Variants in GABRA3 observed in about 807,000 individuals in gnomAD.
GABRA3 encodes the protein gamma-aminobutyric acid receptor subunit alpha-3.
A neutral mutation model predicts 30.1 loss-of-function variants in GABRA3; 10 were observed. That is an observed-to-expected ratio of 0.33 (90% confidence interval 0.20 to 0.56). The LOEUF (loss-of-function observed/expected upper bound fraction) is 0.56. Among genes scored for constraint, GABRA3 ranks in the 20% least tolerant of loss-of-function variants. The pLI is 0.89. For synonymous variants in GABRA3, 151 were observed against 146.8 expected, an observed-to-expected ratio of 1.03 and a Z score of -0.21; for missense variants, 233 against 392.0, an observed-to-expected ratio of 0.59 and a Z score of 3.42.
intron 3 of GABRA3, among the ~76,000 whole-genome samples, chrX:152,291,063 T>A (rs1278271080): frequency 8.9e-6 from 1 of 111,882 alleles, no homozygotes; most frequent in East Asian, 2.8e-4. Flanking sequence ...AAGTCATTGG[T>A]AACTTGATGG....
At chrX:152,307,746 C>A (rs1162640352) in intron 3 of GABRA3, among the ~76,000 whole-genome samples, 2 of 111,652 alleles carry the variant, frequency 1.8e-5, no homozygotes, top group African/African-American at 6.5e-5. Context: ...GGGCTCATTC[C>A]TGGTCCTGAG....
chrX:152,438,301 A>G (rs1009593912), intron 1 of GABRA3, among the ~76,000 whole-genome samples: 2 of 112,269 alleles, frequency 1.8e-5, no homozygotes, highest in African/African-American at 6.5e-5. Context: ...CAAAATGTAG[A>G]CAACACCAAA....
At chrX:152,235,004 A>G (rs764878726) in intron 5 of GABRA3, among the ~76,000 whole-genome samples, 1 of 111,728 alleles carries the variant, frequency 9.0e-6, no homozygotes, top group South Asian at 3.7e-4. Flanking sequence ...AATTCTGTGA[A>G]AAAATGACAT....
Position 152,380,463 on chromosome X carries a change from G to A in GABRA3, c.-26-15867C>T, listed in dbSNP as rs530711833. On this transcript the variant is annotated intron_variant, in intron 1 of 9. Coordinates refer to ENST00000370314, the MANE Select transcript of GABRA3 (RefSeq NM_000808.4). The stretch of plus-strand genomic sequence containing the variant: ...CGTTAAGGCTGAATAGTATTCCATT[G>A]TGTATATATACCACATTTTCTTTAT... 1.1e-4 allele frequency among the ~76,000 whole-genome samples: 12 copies of A among 112,076 alleles called. No homozygotes were observed. In the South Asian group the frequency reaches 3.8e-3, roughly 35 times the overall value.
At chrX:152,329,230 A>G in intron 3 of GABRA3, among the ~76,000 whole-genome samples, 1 of 112,121 alleles carries the variant, frequency 8.9e-6, no homozygotes, top group Non-Finnish European at 1.9e-5. Context: ...TTCCATGCTC[A>G]TGGATAGGAA....
chrX:152,256,853 G>A (rs187107478), intron 4 of GABRA3, among the ~76,000 whole-genome samples: 3 of 111,869 alleles, frequency 2.7e-5, no homozygotes, highest in Admixed American at 1.9e-4. Flanking sequence ...AGAATTGTGA[G>A]TTTGTGATTT....
intron 9 of GABRA3, among the ~76,000 whole-genome samples, chrX:152,185,316 C>T (rs1430797828): frequency 2.7e-5 from 3 of 111,050 alleles, no homozygotes; most frequent in Non-Finnish European, 5.7e-5. Flanking sequence ...AATGGACTGA[C>T]CATAGAGACT....
intron 5 of GABRA3, among the ~76,000 whole-genome samples, chrX:152,249,291 A>T (rs1938512567): frequency 9.0e-6 from 1 of 111,356 alleles, no homozygotes; most frequent in Non-Finnish European, 1.9e-5. Flanking sequence ...CATCAATGTT[A>T]CCTCTTGAAC....
chrX:152,416,424 T>C (rs1196521317), intron 1 of GABRA3, among the ~76,000 whole-genome samples: 4 of 105,913 alleles, frequency 3.8e-5, no homozygotes, highest in Admixed American at 3.1e-4. Context: ...GAAGAATCAA[T>C]ATCGTGAAAA....
At chrX:152,332,390 A>G (rs780844888) in intron 3 of GABRA3, among the ~76,000 whole-genome samples, 3 of 111,696 alleles carry the variant, frequency 2.7e-5, no homozygotes, top group Non-Finnish European at 3.8e-5. Context: ...GCTAATTGGG[A>G]GAGGTTATGC....
chrX:152,359,359 T>C (rs889948437), intron 2 of GABRA3, among the ~76,000 whole-genome samples: 4 of 111,185 alleles, frequency 3.6e-5, no homozygotes, highest in Non-Finnish European at 7.6e-5. Context: ...ATGTTCATAG[T>C]AGTCTCTGAG....
At chrX:152,237,475 G>A (rs1302596061) in intron 5 of GABRA3, among the ~76,000 whole-genome samples, 1 of 100,929 alleles carries the variant, frequency 9.9e-6, no homozygotes, top group Non-Finnish European at 2.0e-5. Flanking sequence ...ACTTGGCAAT[G>A]CGGGCTCTTT....
intron 7 of GABRA3, among the ~76,000 whole-genome samples, chrX:152,206,663 G>A (rs911087756): frequency 9.9e-5 from 11 of 111,324 alleles, no homozygotes; most frequent in East Asian, 2.9e-4. Context: ...GGCCAGGAGC[G>A]CTCCTGGGAC....
intron 4 of GABRA3, among the ~76,000 whole-genome samples, chrX:152,280,840 A>G (rs908977967): frequency 2.7e-5 from 3 of 111,029 alleles, no homozygotes; most frequent in African/African-American, 9.8e-5. Context: ...TGAGGTTAAT[A>G]ATACCTAAAA....
intron 1 of GABRA3, among the ~76,000 whole-genome samples, chrX:152,411,832 G>A (rs1930079076): frequency 9.0e-6 from 1 of 111,503 alleles, no homozygotes; most frequent in African/African-American, 3.3e-5. Context: ...TCTGCAGTGG[G>A]TCTAGTACCC....
At chrX:152,325,289 G>C (rs1027102826) in intron 3 of GABRA3, among the ~76,000 whole-genome samples, 1 of 111,989 alleles carries the variant, frequency 8.9e-6, no homozygotes, top group Non-Finnish European at 1.9e-5. Flanking sequence ...AGCTCCCAGC[G>C]TGAGCAATGC....
At chrX:152,220,524 G>T (rs986785386) in intron 6 of GABRA3, among the ~76,000 whole-genome samples, 4 of 111,515 alleles carry the variant, frequency 3.6e-5, no homozygotes, top group Non-Finnish European at 7.5e-5. Flanking sequence ...TTCTTTATAT[G>T]CCTTTTGGTA....
intron 3 of GABRA3, among the ~76,000 whole-genome samples, chrX:152,325,443 C>A (rs1333506343): frequency 9.0e-6 from 1 of 111,682 alleles, no homozygotes; most frequent in Admixed American, 9.5e-5. Context: ...GGAGACACCT[C>A]CCAGTAGGGG....
chrX:152,425,853 T>G (rs1194544843), intron 1 of GABRA3, among the ~76,000 whole-genome samples: 1 of 110,257 alleles, frequency 9.1e-6, no homozygotes, highest in Non-Finnish European at 1.9e-5. Flanking sequence ...AGCCCATGTG[T>G]AGGCCCAGAA....
Sources: gnomAD v4.1 joint callset for allele counts (sites outside exome capture counted in the v4.1 genomes callset) on GRCh38, gnomAD v4.1.1 for gene constraint, MANE v1.5 for transcripts, NCBI Gene and HGNC (gene_info 2026-07-23, HGNC 2026-07-21) for gene names.